PCLO: variants seen among roughly 807,000 people sequenced by gnomAD.
PCLO encodes the protein piccolo presynaptic cytomatrix protein.
A neutral mutation model predicts 427.5 loss-of-function variants in PCLO; 82 were observed. The ratio of observed to expected loss-of-function variants is 0.19; its 90% CI spans 0.16 to 0.23. The LOEUF (loss-of-function observed/expected upper bound fraction) is 0.23. Ranked by LOEUF, PCLO falls within the 10% of genes least tolerant of loss-of-function variation. The probability of loss-of-function intolerance (pLI) is 1.00; values close to 1 mark genes in which losing one functional copy is unlikely to be tolerated. For missense variants in PCLO, 6,239 were observed against 6,115.9 expected (o/e 1.02, Z -0.67); for synonymous variants, 2,357 against 2,155.4 (o/e 1.09, Z -2.59).
chr7:82,901,165 A>G (rs910684690), intron 9 of PCLO, among the ~76,000 whole-genome samples: 2 of 151,920 alleles, frequency 1.3e-5, no homozygotes, highest in Non-Finnish European at 2.9e-5. Flanking sequence ...GCAAGTATGT[A>G]CCATTTAGTA....
chr7:82,754,273 CA>C lies in PCLO; in HGVS notation c.*4301del, dbSNP rs1361800937. 1 of 151,600 alleles carries C rather than the reference CA, an allele frequency of 6.6e-6. No individual in the cohort carries two copies. The highest frequency in any genetic ancestry group is 1.5e-5 in the Non-Finnish European group (1 of 67,858). 9.4% of individuals were successfully genotyped at this position (151,600 alleles called of 1,614,324 possible). A position where few individuals can be genotyped will look rare whatever the true frequency, so the allele number is the denominator to read the frequency against. On this transcript the variant is annotated 3_prime_UTR_variant, in exon 25 of 25. Transcript: ENST00000333891. ...AAGGGATTTGGGTAAAACAAACAAA[CA>C]AAAAAACACATTAGCAAATCACCAA...
intron 3 of PCLO, among the ~76,000 whole-genome samples, chr7:83,101,789 A>G (rs1562964951): frequency 1.3e-5 from 2 of 152,168 alleles, no homozygotes; most frequent in Non-Finnish European, 2.9e-5. Flanking sequence ...AAAAATTCCA[A>G]ATATGTTTAT....
At chr7:82,867,735 T>C (rs931846360) in intron 10 of PCLO, among the ~76,000 whole-genome samples, 2 of 152,192 alleles carry the variant, frequency 1.3e-5, no homozygotes, top group African/African-American at 4.8e-5. Flanking sequence ...TTTGGGGCAT[T>C]GTACCACATA....
Position 83,043,912 on chromosome 7 carries a change from C to CTTTTTTTTTTT in PCLO, c.3301-77436_3301-77426dup, listed in dbSNP as rs869061778. Among the ~76,000 whole-genome samples, 260 of 94,832 alleles carry CTTTTTTTTTTT rather than the reference C, an allele frequency of 2.7e-3. 1 individual carries two copies. The highest frequency in any genetic ancestry group is 5.4e-3 in the African/African-American group (133 of 24,484). 62.2% of individuals were successfully genotyped at this position (94,832 alleles called of 152,430 possible). On this transcript the variant is annotated intron_variant, in intron 3 of 24. Transcript: ENST00000333891. Reference sequence around the variant, plus strand: ...AACTCAATCTTATTACTATTATTTTCTTTTTTTTTTTTTTTTTTTTTTTGC... The same window carrying CTTTTTTTTTTT: ...AACTCAATCTTATTACTATTATTTTCTTTTTTTTTTTTTTTTTTTTTTTTTTTTTTTTTTGC...
intron 10 of PCLO, among the ~76,000 whole-genome samples, chr7:82,864,980 T>C (rs1291903483): frequency 6.6e-6 from 1 of 152,160 alleles, no homozygotes; most frequent in East Asian, 1.9e-4. Flanking sequence ...ATGCAAACTG[T>C]CTAAGCACTC....
chr7:83,014,356 C>T (rs1788156751), intron 3 of PCLO, among the ~76,000 whole-genome samples: 1 of 152,056 alleles, frequency 6.6e-6, no homozygotes, highest in Non-Finnish European at 1.5e-5. Flanking sequence ...ATTAATTATG[C>T]ATGTATATAT....
chr7:82,915,967 T>C lies in PCLO; in HGVS notation c.12019A>G (p.Asn4007Asp). The change falls in exon 7 of 25, where the codon AAT becomes GAT. Residue 4007 changes from asparagine (N) to aspartate (D), a missense_variant. By Grantham distance (23) the Asn-to-Asp change is conservative (BLOSUM62 1). Transcript: ENST00000333891. ...FAVSHLGSKY[N>D]SLDLRIGLEE... Reference sequence around the variant, plus strand: ...AAACCTATTCTCAAGTCTAAACTATTGTACTTACTACCAAGATGGGAAACA... The same window carrying C: ...AAACCTATTCTCAAGTCTAAACTATCGTACTTACTACCAAGATGGGAAACA... 1 of 1,613,022 alleles carries C rather than the reference T, an allele frequency of 6.2e-7. No homozygotes were observed. The highest frequency in any genetic ancestry group is 1.1e-5 in the South Asian group (1 of 91,086).
At chr7:82,800,025 G>A (rs1436701924) in intron 22 of PCLO, among the ~76,000 whole-genome samples, 1 of 152,090 alleles carries the variant, frequency 6.6e-6, no homozygotes, top group Non-Finnish European at 1.5e-5. Context: ...GCAGGTTTGG[G>A]ACTAATCAAC....
At chr7:83,049,308 A>G (rs1386189037) in intron 3 of PCLO, among the ~76,000 whole-genome samples, 1 of 152,176 alleles carries the variant, frequency 6.6e-6, no homozygotes, top group Non-Finnish European at 1.5e-5. Flanking sequence ...ATGATGCAAC[A>G]TGTGTTGTAC....
intron 3 of PCLO, among the ~76,000 whole-genome samples, chr7:83,003,028 A>G (rs1205357673): frequency 6.6e-6 from 1 of 151,564 alleles, no homozygotes; most frequent in Non-Finnish European, 1.5e-5. Flanking sequence ...CTTAATGGAA[A>G]TATATCTGAA....
At chr7:83,105,070 G>A (rs1308571283) in intron 3 of PCLO, among the ~76,000 whole-genome samples, 1 of 152,278 alleles carries the variant, frequency 6.6e-6, no homozygotes, top group East Asian at 1.9e-4. Flanking sequence ...ATGGATAGAA[G>A]TTTAAACTAA....
intron 3 of PCLO, among the ~76,000 whole-genome samples, chr7:82,969,428 C>T (rs1474997407): frequency 6.6e-6 from 1 of 152,000 alleles, no homozygotes; most frequent in Non-Finnish European, 1.5e-5. Flanking sequence ...TAATGTTTTG[C>T]TTAAATTGCC....
chr7:83,162,070 C>T (rs1021318644), intron 1 of PCLO, among the ~76,000 whole-genome samples: 3 of 152,192 alleles, frequency 2.0e-5, no homozygotes, highest in African/African-American at 7.2e-5. Flanking sequence ...CCACGCCATC[C>T]TAGAGGGGAA....
intron 2 of PCLO, 143 bp from the exon 3 acceptor site, chr7:83,135,799 A>G (rs540306804): frequency 1.0e-4 from 58 of 563,854 alleles, no homozygotes; most frequent in Non-Finnish European, 1.6e-4. Flanking sequence ...TAATAAATTG[A>G]TATTAAAATA....
intron 3 of PCLO, among the ~76,000 whole-genome samples, chr7:82,992,586 C>A (rs182017474): frequency 2.6e-5 from 4 of 151,944 alleles, no homozygotes; most frequent in Non-Finnish European, 5.9e-5. Flanking sequence ...ACACCAGGGC[C>A]TGTCGGGGGG....
intron 3 of PCLO, among the ~76,000 whole-genome samples, chr7:83,017,530 A>G (rs1788237364): frequency 6.6e-6 from 1 of 152,034 alleles, no homozygotes; most frequent in African/African-American, 2.4e-5. Context: ...AGCAGATCAC[A>G]TAGGTTCACT....
chr7:82,925,782 C>G (rs936248514), intron 6 of PCLO, among the ~76,000 whole-genome samples: 4 of 133,036 alleles, frequency 3.0e-5, no homozygotes, highest in African/African-American at 1.1e-4. Context: ...TGCAGTGGTG[C>G]GGTCATGGCT....
chr7:83,077,393 T>C (rs532656938), intron 3 of PCLO, among the ~76,000 whole-genome samples: 1 of 152,192 alleles, frequency 6.6e-6, no homozygotes, highest in African/African-American at 2.4e-5. Context: ...ACCTTTCTCA[T>C]CTACCACTCC....
chr7:82,769,383 T>C (rs1790599035), intron 22 of PCLO, among the ~76,000 whole-genome samples: 1 of 152,168 alleles, frequency 6.6e-6, no homozygotes, highest in Non-Finnish European at 1.5e-5. Flanking sequence ...TTTGAAATAT[T>C]CATCATTATG....
Sources: allele counts gnomAD v4.1 joint callset (sites outside exome capture counted in the v4.1 genomes callset), GRCh38; gene constraint gnomAD v4.1.1; transcripts MANE v1.5; gene names NCBI Gene and HGNC (gene_info 2026-07-23, HGNC 2026-07-21).